Variants in STX8 observed in about 807,000 individuals in gnomAD.
The protein encoded by STX8 is syntaxin 8.
In STX8, 23 loss-of-function variants were observed where a neutral mutation model predicts 37.5. That is an observed-to-expected ratio of 0.61 (90% CI 0.44 to 0.87). The LOEUF (loss-of-function observed/expected upper bound fraction) is 0.87. Ranked by LOEUF, STX8 falls within the 40% of genes least tolerant of loss-of-function variation. STX8 has a pLI of 0.00. For synonymous variants in STX8, 115 were observed against 99.1 expected, an observed-to-expected ratio of 1.16 and a Z score of -0.95; for missense variants, 313 against 284.7, an observed-to-expected ratio of 1.10 and a Z score of -0.71.
intron 7 of STX8, among the ~76,000 whole-genome samples, chr17:9,315,417 G>A (rs969352038): frequency 6.6e-6 from 1 of 152,152 alleles, no homozygotes; most frequent in African/African-American, 2.4e-5. Context: ...TACAGAGGCT[G>A]CACGCAGCAT....
chr17:9,301,627 C>G (rs1238238983), intron 7 of STX8, among the ~76,000 whole-genome samples: 2 of 151,348 alleles, frequency 1.3e-5, no homozygotes, highest in African/African-American at 4.9e-5. Context: ...GGACTACAGG[C>G]GCCTGCCACT....
At chr17:9,454,822 CTG>C (rs970625047) in intron 6 of STX8, among the ~76,000 whole-genome samples, 17 of 152,188 alleles carry the variant, frequency 1.1e-4, no homozygotes, top group Admixed American at 2.0e-4. Context: ...GGGAAAGAAA[CTG>C]TTCTAGGGGG....
chr17:9,272,851 G>A (rs969322673), intron 7 of STX8, among the ~76,000 whole-genome samples: 2 of 152,252 alleles, frequency 1.3e-5, no homozygotes, highest in Non-Finnish European at 2.9e-5. Context: ...AGCAGGATGG[G>A]TCTTCCCACC....
intron 7 of STX8, among the ~76,000 whole-genome samples, chr17:9,262,428 G>A (rs1484481447): frequency 6.6e-6 from 1 of 152,202 alleles, no homozygotes. Flanking sequence ...CTTAGCTCGG[G>A]AGGTCCCAGG....
chr17:9,420,154 C>A (rs1346632969), intron 6 of STX8, among the ~76,000 whole-genome samples: 2 of 152,186 alleles, frequency 1.3e-5, no homozygotes, highest in Admixed American at 6.5e-5. Flanking sequence ...AGATGGGTAA[C>A]CCCATGGCAC....
chr17:9,336,953 C>A (rs186252789), intron 7 of STX8, among the ~76,000 whole-genome samples: 30 of 152,170 alleles, frequency 2.0e-4, no homozygotes, highest in African/African-American at 6.5e-4. Context: ...TATTTCAATT[C>A]CAATCATTCC....
intron 7 of STX8, among the ~76,000 whole-genome samples, chr17:9,296,635 A>G (rs1278800181): frequency 6.6e-6 from 1 of 152,050 alleles, no homozygotes; most frequent in East Asian, 1.9e-4. Context: ...AGACTAAAAA[A>G]AAAAAAAAAC....
At chr17:9,551,717 T>C (rs755813623) in intron 3 of STX8, among the ~76,000 whole-genome samples, 4 of 152,156 alleles carry the variant, frequency 2.6e-5, no homozygotes, top group Non-Finnish European at 5.9e-5. Context: ...TATTCCTACA[T>C]TACAGATAAT....
chr17:9,442,747 C>G (rs895235351), intron 6 of STX8, among the ~76,000 whole-genome samples: 1 of 151,994 alleles, frequency 6.6e-6, no homozygotes, highest in Non-Finnish European at 1.5e-5. Context: ...CACCTTGGAG[C>G]AAAAGAAGTG....
chr17:9,492,382 A>T lies in STX8; in HGVS notation c.449-461T>A, dbSNP rs143007126. Among the ~76,000 whole-genome samples, 392 of 152,282 alleles carry T rather than the reference A, an allele frequency of 2.6e-3. 2 individuals are homozygous for T. The highest frequency in any genetic ancestry group is 8.8e-3 in the African/African-American group (367 of 41,582). On this transcript the variant is annotated intron_variant, in intron 5 of 7. Coordinates refer to ENST00000306357, the MANE Select transcript of STX8 (RefSeq NM_004853.3). ...AGATGTATAAGGATTAAAAAGAATG[A>T]CAATACCTAAGGTTAATTAAATTGT...
intron 4 of STX8, among the ~76,000 whole-genome samples, chr17:9,517,514 C>T (rs1905188985): frequency 6.6e-6 from 1 of 152,112 alleles, no homozygotes; most frequent in African/African-American, 2.4e-5. Context: ...TGTAAGTCAG[C>T]ACAGGTATTA....
At chr17:9,492,867 G>A (rs969993106) in intron 5 of STX8, among the ~76,000 whole-genome samples, 14 of 152,244 alleles carry the variant, frequency 9.2e-5, no homozygotes, top group Admixed American at 2.0e-4. Context: ...AGGCCAAGGC[G>A]GGTGGATCAC....
At chr17:9,505,922 G>C (rs1904804635) in intron 4 of STX8, among the ~76,000 whole-genome samples, 1 of 132,866 alleles carries the variant, frequency 7.5e-6, no homozygotes, top group Non-Finnish European at 1.5e-5. Context: ...AGCCTGGGTA[G>C]CGGAGCAAGA....
intron 6 of STX8, among the ~76,000 whole-genome samples, chr17:9,477,945 G>A (rs887987760): frequency 8.5e-5 from 13 of 152,050 alleles, no homozygotes; most frequent in African/African-American, 3.1e-4. Flanking sequence ...CCTGCAATGC[G>A]TAGGCCCTAT....
intron 6 of STX8, among the ~76,000 whole-genome samples, chr17:9,479,870 TA>T: frequency 6.6e-6 from 1 of 151,970 alleles, no homozygotes; most frequent in South Asian, 2.1e-4. Flanking sequence ...CCATGCTCTC[TA>T]GACCCTGGGT....
chr17:9,557,795 T>C (rs1907039159), intron 2 of STX8, among the ~76,000 whole-genome samples: 1 of 152,166 alleles, frequency 6.6e-6, no homozygotes, highest in Non-Finnish European at 1.5e-5. Flanking sequence ...GACTAGAAAC[T>C]GTCAGTGTGC....
chr17:9,413,666 C>T (rs1913052929), intron 6 of STX8, among the ~76,000 whole-genome samples: 1 of 152,132 alleles, frequency 6.6e-6, no homozygotes, highest in Non-Finnish European at 1.5e-5. Context: ...AGTGTTTCCA[C>T]TACCCCAACA....
At chr17:9,431,005 G>GT (rs1913945582) in intron 6 of STX8, among the ~76,000 whole-genome samples, 1 of 134,256 alleles carries the variant, frequency 7.4e-6, no homozygotes, top group African/African-American at 3.1e-5. Context: ...GGTAGCAGGG[G>GT]TTTTTTTGTT....
chr17:9,568,369 A>G lies in STX8; in HGVS notation c.117+2T>C. The G allele has an allele frequency of 5.6e-6, 9 of 1,608,088 alleles. No homozygotes were observed. Among genetic ancestry groups the G allele is most frequent in the Non-Finnish European group, 6.8e-6 (8 of 1,176,776 alleles). On this transcript the variant is annotated splice_donor_variant, in intron 2 of 7. Transcript: ENST00000306357. LOFTEE classifies it high-confidence loss of function. ...TGGGTACTAATTCCTTCATGGTATTACCTTTGGTGCCTTTTCACCTTTTCT... is the reference window on the plus strand; with the variant it reads ...TGGGTACTAATTCCTTCATGGTATTGCCTTTGGTGCCTTTTCACCTTTTCT...
Sources: allele counts gnomAD v4.1 joint callset (sites outside exome capture counted in the v4.1 genomes callset), GRCh38; gene constraint gnomAD v4.1.1; transcripts MANE v1.5; gene names NCBI Gene and HGNC (gene_info 2026-07-23, HGNC 2026-07-21).